Variants in MTREX observed in about 807,000 individuals in gnomAD.
MTREX encodes exosome RNA helicase MTR4.
MTREX carries 76 observed loss-of-function variants against 135.4 expected under a neutral mutation model. The ratio of observed to expected loss-of-function variants is 0.56; its 90% CI spans 0.47 to 0.68. The LOEUF is 0.68. Ranked by LOEUF, MTREX falls within the 30% of genes least tolerant of loss-of-function variation. The pLI, the probability that MTREX is intolerant of heterozygous loss-of-function variation, is 0.00. For missense variants in MTREX, 920 were observed against 1,262.1 expected, an observed-to-expected ratio of 0.73 and a Z score of 4.11; for synonymous variants, 404 against 401.6, an observed-to-expected ratio of 1.01 and a Z score of -0.07.
Position 55,425,280 on chromosome 5 carries a change from CTT to C in MTREX, c.*511_*512del. ...TGCAGAGTTGTATGAGAGTCCTCCT[CTT>C]TTCTTTCTTTAAAAGAAGTTCTTTC... On this transcript the variant is annotated 3_prime_UTR_variant, in exon 27 of 27. Transcript: ENST00000230640. 1.2e-6 allele frequency: 2 copies of C among 1,611,478 alleles called. No individual in the cohort carries two copies. The highest frequency in any genetic ancestry group is 1.7e-6 in the Non-Finnish European group (2 of 1,177,900).
At chr5:55,394,534 C>T (rs1185910242) in intron 19 of MTREX, among the ~76,000 whole-genome samples, 6 of 152,110 alleles carry the variant, frequency 3.9e-5, no homozygotes, top group Admixed American at 1.3e-4. Flanking sequence ...AACGACCAGG[C>T]GACCTAGATC....
chr5:55,350,374 G>A (rs1264190429), intron 12 of MTREX, among the ~76,000 whole-genome samples: 1 of 152,102 alleles, frequency 6.6e-6, no homozygotes, highest in African/African-American at 2.4e-5. Flanking sequence ...AAACTTTTTT[G>A]TAGTTTTTCT....
chr5:55,361,840 G>A (rs1055194271), intron 15 of MTREX, among the ~76,000 whole-genome samples: 6 of 151,706 alleles, frequency 4.0e-5, no homozygotes, highest in African/African-American at 1.5e-4. Context: ...GGATCCTCCT[G>A]TCGCAGCCTC....
intron 18 of MTREX, among the ~76,000 whole-genome samples, chr5:55,379,549 T>C (rs950968231): frequency 1.3e-5 from 2 of 150,110 alleles, no homozygotes; most frequent in African/African-American, 4.9e-5. Context: ...GGTGGTGCTT[T>C]CCTTCCACTC....
rs544534766 is a variant in MTREX, at chr5:55,347,580, A to G, written c.1240+436A>G. 1.6e-4 allele frequency among the ~76,000 whole-genome samples: 25 copies of G among 152,296 alleles called. No individual in the cohort carries two copies. The South Asian group carries it at 4.1e-3, about 25-fold the overall frequency. On this transcript the variant is annotated intron_variant, in intron 11 of 26. Transcript: ENST00000230640. ...TTGCTTAACTATTTTGTAATTCTCA[A>G]TCAAAGTGATATAACTTCTAGCAAA...
chr5:55,414,334 T>A (rs1750933851), intron 24 of MTREX, 96 bp downstream of exon 24: 2 of 994,134 alleles, frequency 2.0e-6, no homozygotes, highest in African/African-American at 3.3e-5. Flanking sequence ...TAGTTTATCA[T>A]TTCACAGAGA....
intron 1 of MTREX, among the ~76,000 whole-genome samples, chr5:55,314,635 C>A (rs987322836): frequency 2.0e-5 from 3 of 152,172 alleles, no homozygotes; most frequent in Non-Finnish European, 4.4e-5. Context: ...CAACACAGCA[C>A]CCTAGTTTTG....
In MTREX at chr5:55,425,502, T is replaced by C. The variant is rs1464768013; in HGVS notation, c.*730T>C. The C allele has an allele frequency of 4.8e-6, 3 of 621,792 alleles. No individual in the cohort carries two copies. In the African/African-American group the frequency reaches 5.7e-5, roughly 12 times the overall value. The allele number at this position is 621,792 out of a possible 1,614,324, so 38.5% of individuals were successfully genotyped here. On this transcript the variant is annotated 3_prime_UTR_variant, in exon 27 of 27. Transcript: ENST00000230640. ...CTAACTGGGATTTTTTAAAGATTAT[T>C]CCAAATTAAGAGTTGCTTTGTTATG... is the stretch of plus-strand genomic sequence containing the variant.
intron 23 of MTREX, among the ~76,000 whole-genome samples, chr5:55,411,044 C>T (rs921249409): frequency 2.6e-5 from 4 of 152,130 alleles, no homozygotes; most frequent in Non-Finnish European, 5.9e-5. Flanking sequence ...GTCCATCCTG[C>T]TAGGAACTGA....
chr5:55,382,089 G>GT (rs1026171394), intron 18 of MTREX, among the ~76,000 whole-genome samples: 9 of 151,234 alleles, frequency 6.0e-5, no homozygotes, highest in East Asian at 1.9e-4. Flanking sequence ...GTTGGATTTT[G>GT]TTTTTTTTAA....
chr5:55,420,732 TG>T (rs1371711176), intron 25 of MTREX, among the ~76,000 whole-genome samples: 2 of 152,180 alleles, frequency 1.3e-5, no homozygotes, highest in East Asian at 1.9e-4. Context: ...AACTGCTTAA[TG>T]GGAACAAGGT....
intron 25 of MTREX, among the ~76,000 whole-genome samples, chr5:55,419,369 A>G (rs1412245283): frequency 6.6e-6 from 1 of 152,244 alleles, no homozygotes; most frequent in Non-Finnish European, 1.5e-5. Flanking sequence ...GTATTCTTCA[A>G]ACATTAACTG....
At chr5:55,424,601 T>C in intron 26 of MTREX, 119 bp from the exon 27 acceptor site, 3 of 671,068 alleles carry the variant, frequency 4.5e-6, no homozygotes, top group East Asian at 5.4e-5. Flanking sequence ...TGTTTGACTT[T>C]CTAGGCTGCT....
intron 1 of MTREX, 144 bp from the exon 2 acceptor site, chr5:55,322,183 C>A: frequency 1.8e-6 from 1 of 550,618 alleles, no homozygotes; most frequent in Non-Finnish European, 3.0e-6. Context: ...TTAAGGTATT[C>A]CGGGCTTCAG....
At chr5:55,361,646 C>A (rs1374130430) in intron 15 of MTREX, among the ~76,000 whole-genome samples, 1 of 151,750 alleles carries the variant, frequency 6.6e-6, no homozygotes, top group Non-Finnish European at 1.5e-5. Flanking sequence ...TTAGTAGAAA[C>A]GGGGTTTCAC....
At chr5:55,317,873 A>G (rs1749223668) in intron 1 of MTREX, among the ~76,000 whole-genome samples, 1 of 152,214 alleles carries the variant, frequency 6.6e-6, no homozygotes, top group South Asian at 2.1e-4. Flanking sequence ...TTTGCAAACT[A>G]TGCATTTGAC....
intron 7 of MTREX, among the ~76,000 whole-genome samples, chr5:55,342,082 A>T (rs1749658617): frequency 6.6e-6 from 1 of 151,970 alleles, no homozygotes; most frequent in African/African-American, 2.4e-5. Context: ...ATTTTTATTT[A>T]TTTTATTAGT....
intron 1 of MTREX, among the ~76,000 whole-genome samples, chr5:55,315,160 T>C (rs1016015190): frequency 1.3e-5 from 2 of 152,180 alleles, no homozygotes; most frequent in Non-Finnish European, 2.9e-5. Context: ...TTTTTGTCAG[T>C]GAGATAGATG....
At chr5:55,337,629 C>T (rs1367723429) in intron 5 of MTREX, among the ~76,000 whole-genome samples, 2 of 152,026 alleles carry the variant, frequency 1.3e-5, no homozygotes, top group African/African-American at 4.8e-5. Flanking sequence ...ACTTTTCAAA[C>T]GTGATTTTCC....
Sources: gnomAD v4.1 joint callset for allele counts (sites outside exome capture counted in the v4.1 genomes callset) on GRCh38, gnomAD v4.1.1 for gene constraint, MANE v1.5 for transcripts, NCBI Gene and HGNC (gene_info 2026-07-23, HGNC 2026-07-21) for gene names.